The following USP25 variants were observed in gnomAD, a reference collection of about 807,000 sequenced individuals.
USP25 encodes ubiquitin specific peptidase 25.
A neutral mutation model predicts 158.5 loss-of-function variants in USP25; 85 were observed. The observed-to-expected ratio is 0.54, with a 90% CI of 0.45 to 0.64. The LOEUF is 0.64. Among genes scored for constraint, USP25 ranks in the 30% least tolerant of loss-of-function variants. The pLI, the probability that USP25 is intolerant of heterozygous loss-of-function variation, is 0.00. For missense variants in USP25, 1,242 were observed against 1,327.3 expected (o/e 0.94, Z 1.00); for synonymous variants, 464 against 460.4 (o/e 1.01, Z -0.10).
At position 15,849,794 on chromosome 21, in the gene USP25, C is replaced by T; in HGVS notation, c.2469C>T (p.Asn823=). 2 of 1,537,366 alleles carry T rather than the reference C, an allele frequency of 1.3e-6. No individual in the cohort carries two copies. The highest frequency in any genetic ancestry group is 1.8e-6 in the Non-Finnish European group (2 of 1,141,650). Residue 823 remains asparagine, a synonymous_variant, in exon 20 of 26, where the codon AAC becomes AAT. Transcript: ENST00000400183. ...TGTGGCAGATCATGATGACACCGAA[C>T]ATGCAAGGTATTATCATGGCGATAG... ...GYDDEIMMTP[N]MQGIIMAIGK... is the part of the protein sequence containing the mutation.
intron 4 of USP25, among the ~76,000 whole-genome samples, chr21:15,779,445 T>C (rs1263274978): frequency 6.6e-6 from 1 of 151,884 alleles, no homozygotes; most frequent in Non-Finnish European, 1.5e-5. Flanking sequence ...TTGATACAAA[T>C]ATTATTTTTA....
intron 10 of USP25, among the ~76,000 whole-genome samples, chr21:15,823,127 A>C (rs2044911425): frequency 6.6e-6 from 1 of 152,018 alleles, no homozygotes. Flanking sequence ...TGACACTTGA[A>C]ATTATCACAC....
At chr21:15,810,151 G>A (rs540275276) in intron 8 of USP25, among the ~76,000 whole-genome samples, 9 of 152,104 alleles carry the variant, frequency 5.9e-5, no homozygotes, top group Non-Finnish European at 1.2e-4. Flanking sequence ...TTTAAGAAGT[G>A]AGTAGGACAG....
intron 9 of USP25, among the ~76,000 whole-genome samples, chr21:15,817,464 A>G (rs1231036155): frequency 6.6e-6 from 1 of 152,224 alleles, no homozygotes; most frequent in African/African-American, 2.4e-5. Flanking sequence ...TTTCAGAGAC[A>G]TAAACCTGAG....
chr21:15,799,770 T>G lies in USP25; in HGVS notation c.569T>G (p.Leu190Arg). ...GTTCTTTTTCAGTCATTATTTAATC[T>G]TTTGGAATTTAGAAGATTAGTTCTG... ...FSAVIQSLFN[L>R]LEFRRLVLNY... is the part of the protein sequence containing the mutation. The change falls in exon 6 of 26, where the codon CTT becomes CGT. Residue 190 changes from leucine to arginine, a missense_variant. Around this residue, in one of 3 missense-constraint regions of USP25, gnomAD observed 627 missense variants for 701.4 expected, o/e 0.89. Transcript: ENST00000400183. 1 of 1,595,922 alleles carries G rather than the reference T, an allele frequency of 6.3e-7. No homozygotes were observed. Among genetic ancestry groups the G allele is most frequent in the Non-Finnish European group, 8.5e-7 (1 of 1,170,874 alleles).
chr21:15,736,208 C>G (rs2031501481), intron 1 of USP25, among the ~76,000 whole-genome samples: 1 of 152,010 alleles, frequency 6.6e-6, no homozygotes, highest in African/African-American at 2.4e-5. Flanking sequence ...AGCAATTCTC[C>G]TGCCTCAGCC....
intron 4 of USP25, among the ~76,000 whole-genome samples, chr21:15,788,174 T>A (rs1276978434): frequency 6.6e-6 from 1 of 152,000 alleles, no homozygotes; most frequent in Non-Finnish European, 1.5e-5. Context: ...TTGCCTTTTT[T>A]TTTTCTCCTC....
chr21:15,837,423 G>A (rs1242606805), intron 17 of USP25, among the ~76,000 whole-genome samples: 2 of 152,170 alleles, frequency 1.3e-5, no homozygotes, highest in Non-Finnish European at 2.9e-5. Context: ...GGGGATCAGA[G>A]TGAGTAGGGT....
chr21:15,833,563 AT>A lies in USP25; in HGVS notation c.2194+17del, dbSNP rs1282686009. 2 of 1,603,566 alleles carry A rather than the reference AT, an allele frequency of 1.2e-6. No individual in the cohort carries two copies. The highest frequency in any genetic ancestry group is 1.7e-6 in the Non-Finnish European group (2 of 1,174,432). Reference sequence around the variant, plus strand: ...TGTGACAACAGGTTTGTCCATTTTTATTAAGTTGTGTTTGATTATCAATATT... The same window carrying A: ...TGTGACAACAGGTTTGTCCATTTTTATAAGTTGTGTTTGATTATCAATATT... On this transcript the variant is annotated intron_variant, in intron 17 of 25. Coordinates refer to ENST00000400183, the MANE Select transcript of USP25 (RefSeq NM_001283041.3).
intron 22 of USP25, among the ~76,000 whole-genome samples, chr21:15,867,489 T>A (rs1012876057): frequency 1.3e-5 from 2 of 152,058 alleles, no homozygotes; most frequent in African/African-American, 4.8e-5. Flanking sequence ...GCAGCAAATA[T>A]ATAGAATTGT....
chr21:15,828,927 A>G (rs1027323186), intron 14 of USP25, among the ~76,000 whole-genome samples: 14 of 152,282 alleles, frequency 9.2e-5, no homozygotes, highest in Admixed American at 2.0e-4. Context: ...GTGAGCCACC[A>G]TGCCTGGCTG....
intron 4 of USP25, among the ~76,000 whole-genome samples, chr21:15,786,359 T>C (rs2035271977): frequency 6.6e-6 from 1 of 152,106 alleles, no homozygotes; most frequent in African/African-American, 2.4e-5. Flanking sequence ...ATATCCCTGA[T>C]CAACCTAGAT....
At chr21:15,776,339 TA>T (rs777452506) in intron 3 of USP25, among the ~76,000 whole-genome samples, 2 of 151,794 alleles carry the variant, frequency 1.3e-5, no homozygotes, top group Admixed American at 6.6e-5. Flanking sequence ...CTAAAGACAT[TA>T]AAAAAAACAC....
chr21:15,821,306 A>G (rs901552546), intron 10 of USP25, among the ~76,000 whole-genome samples: 4 of 151,526 alleles, frequency 2.6e-5, no homozygotes, highest in Non-Finnish European at 4.4e-5. Context: ...ATAGTGTCAC[A>G]TAGTCTGTAT....
intron 24 of USP25, 119 bp from the exon 25 acceptor site, chr21:15,877,677 G>A (rs564939728): frequency 3.7e-5 from 26 of 710,996 alleles, no homozygotes; most frequent in East Asian, 3.2e-4. Flanking sequence ...TCTAAATACC[G>A]TTTGTTCTAA....
chr21:15,741,079 C>CT (rs2032007138), intron 1 of USP25, among the ~76,000 whole-genome samples: 1 of 152,016 alleles, frequency 6.6e-6, no homozygotes, highest in Admixed American at 6.5e-5. Context: ...ATTTTTATTA[C>CT]TGTAGATCAG....
chr21:15,773,377 T>G (rs1036910615), intron 3 of USP25: 27 of 152,462 alleles, frequency 1.8e-4, no homozygotes, highest in African/African-American at 6.5e-4. Context: ...AGAGTGAATA[T>G]TCTATCTAAA....
intron 20 of USP25, among the ~76,000 whole-genome samples, chr21:15,851,462 C>T (rs188292945): frequency 1.8e-4 from 28 of 151,476 alleles, no homozygotes; most frequent in African/African-American, 5.8e-4. Context: ...TCTTTTCCTG[C>T]GTCGCATACA....
At chr21:15,784,025 A>G (rs2035130717) in intron 4 of USP25, among the ~76,000 whole-genome samples, 1 of 152,212 alleles carries the variant, frequency 6.6e-6, no homozygotes, top group East Asian at 1.9e-4. Context: ...AGCAAAGGTG[A>G]TGGAATTCAT....
Sources: gnomAD v4.1 joint callset for allele counts (sites outside exome capture counted in the v4.1 genomes callset) on GRCh38, gnomAD v4.1.1 for gene constraint, gnomAD v4.1.1 regional missense constraint, MANE v1.5 for transcripts, NCBI Gene and HGNC (gene_info 2026-07-23, HGNC 2026-07-21) for gene names.